ADGRG6: variants seen among roughly 807,000 people sequenced by gnomAD.
ADGRG6 encodes G-protein coupled receptor 126.
In ADGRG6, 84 loss-of-function variants were observed where a neutral mutation model predicts 142.4. The ratio of observed to expected loss-of-function variants is 0.59; its 90% CI spans 0.49 to 0.71. The LOEUF is 0.71. Among genes scored for constraint, ADGRG6 ranks in the 30% least tolerant of loss-of-function variants. The pLI is 0.00. For synonymous variants in ADGRG6, 521 were observed against 520.5 expected (o/e 1.00, Z -0.01); for missense variants, 1,367 against 1,466.6 (o/e 0.93, Z 1.11).
chr6:142,303,768 A>T (rs1475397749), intron 1 of ADGRG6, among the ~76,000 whole-genome samples: 9 of 152,340 alleles, frequency 5.9e-5, no homozygotes, highest in Admixed American at 5.2e-4. Context: ...CTTATGAGAA[A>T]AAAAGCATAT....
intron 2 of ADGRG6, among the ~76,000 whole-genome samples, chr6:142,327,549 T>C (rs939335201): frequency 3.3e-5 from 5 of 152,156 alleles, no homozygotes; most frequent in African/African-American, 1.2e-4. Flanking sequence ...ATTTCCCTCA[T>C]TGTGTAGCAC....
Position 142,408,135 on chromosome 6 carries a change from T to C in ADGRG6, c.2269-15T>C. The C allele has an allele frequency of 6.5e-7, 1 of 1,539,298 alleles. No homozygotes were observed. Among genetic ancestry groups the C allele is most frequent in the Non-Finnish European group, 8.8e-7 (1 of 1,140,904 alleles). ...TACTTCTGACTGATACACGCGATTT[T>C]TTTTTCTTTAAAAGGATGTAGGACC... On this transcript the variant is annotated splice_polypyrimidine_tract_variant and intron_variant, in intron 15 of 24. Transcript: ENST00000367609.
chr6:142,317,519 G>A (rs1359348532), intron 2 of ADGRG6, among the ~76,000 whole-genome samples: 3 of 150,452 alleles, frequency 2.0e-5, no homozygotes, highest in East Asian at 2.0e-4. Context: ...TTTAACATTT[G>A]TGAGAGCATT....
chr6:142,403,915 C>A lies in ADGRG6; in HGVS notation c.2069C>A (p.Thr690Lys). Residue 690 changes from threonine (T) to lysine (K), a missense_variant, in exon 14 of 25, where the codon ACA (threonine) becomes AAA (lysine). Transcript: ENST00000367609. ...ALSVSSLLPG[T>K]NAISNFSIGL... Reference sequence around the variant, plus strand: ...AGCGTATCATCCCTGTTACCAGGGACAAATGCAATTTCAAATTTTAGCATT... The same window carrying A: ...AGCGTATCATCCCTGTTACCAGGGAAAAATGCAATTTCAAATTTTAGCATT... 6.2e-7 allele frequency: 1 copy of A among 1,608,202 alleles called. No individual in the cohort carries two copies. Among genetic ancestry groups the A allele is most frequent in the Non-Finnish European group, 8.5e-7 (1 of 1,174,894 alleles).
At position 142,414,478 on chromosome 6, in the gene ADGRG6, A is replaced by T. The variant is rs1319956066; in HGVS notation, c.2542-491A>T. ...GGTTAGGAGCCTCCGCACCACCCTTAGAGCCTGGCAGTCACAGCACCAGCA... is the reference window on the plus strand; with the variant it reads ...GGTTAGGAGCCTCCGCACCACCCTTTGAGCCTGGCAGTCACAGCACCAGCA... On this transcript the variant is annotated intron_variant, in intron 18 of 24. Coordinates refer to ENST00000367609, the MANE Select transcript of ADGRG6 (RefSeq NM_198569.3). Among the ~76,000 whole-genome samples the T allele has an allele frequency of 3.9e-5, 6 of 152,354 alleles. No homozygotes were observed. In the East Asian group the frequency reaches 1.2e-3, roughly 29 times the overall value.
intron 2 of ADGRG6, among the ~76,000 whole-genome samples, chr6:142,318,263 T>C (rs867834190): frequency 3.4e-5 from 2 of 59,006 alleles, no homozygotes; most frequent in Admixed American, 6.0e-4. Context: ...ATATATTTAT[T>C]ATATATATTT....
chr6:142,360,943 C>A (rs1267723062), intron 2 of ADGRG6, among the ~76,000 whole-genome samples: 1 of 152,188 alleles, frequency 6.6e-6, no homozygotes, highest in Non-Finnish European at 1.5e-5. Context: ...TGAGCCACTG[C>A]GCCCAGCCTC....
At chr6:142,413,859 A>T (rs1423100873) in intron 18 of ADGRG6, among the ~76,000 whole-genome samples, 2 of 151,124 alleles carry the variant, frequency 1.3e-5, no homozygotes, top group East Asian at 3.9e-4. Flanking sequence ...CCTGTTCTTT[A>T]CTGCATCAGT....
At chr6:142,342,680 T>A (rs924559293) in intron 2 of ADGRG6, among the ~76,000 whole-genome samples, 5 of 151,998 alleles carry the variant, frequency 3.3e-5, no homozygotes, top group Admixed American at 3.3e-4. Context: ...TTTGCTAACC[T>A]TATAAGATAT....
At chr6:142,312,059 C>T (rs1007775971) in intron 2 of ADGRG6, among the ~76,000 whole-genome samples, 8 of 151,942 alleles carry the variant, frequency 5.3e-5, no homozygotes, top group African/African-American at 1.9e-4. Context: ...TAATCCTTCC[C>T]TATCCCTCAA....
At chr6:142,330,334 C>T (rs912320304) in intron 2 of ADGRG6, among the ~76,000 whole-genome samples, 8 of 151,652 alleles carry the variant, frequency 5.3e-5, no homozygotes, top group Non-Finnish European at 1.2e-4. Context: ...TACTCCTGAA[C>T]TTACAAGTTA....
chr6:142,401,888 A>G, intron 11 of ADGRG6, 106 bp from the exon 12 acceptor site: 1 of 578,854 alleles, frequency 1.7e-6, no homozygotes, highest in Non-Finnish European at 3.1e-6. Context: ...AAGCTTGTCC[A>G]TTGATCATAT....
rs199565474 is a variant in ADGRG6, at chr6:142,309,731, C to T, written c.103+87C>T. On this transcript the variant is annotated intron_variant, in intron 2 of 24. Transcript: ENST00000367609. ...CATGCTACTTATTTATGTTGCCTTA[C>T]TTTTACTTACTGCCTTTTTTTTTTT... The T allele has an allele frequency of 2.8e-4, 216 of 764,994 alleles. No individual in the cohort carries two copies. In the East Asian group the frequency reaches 4.3e-3, roughly 15 times the overall value. The allele number at this position is 764,994 out of a possible 1,614,324, so 47.4% of individuals were successfully genotyped here.
chr6:142,377,480 C>T (rs1433274247), intron 4 of ADGRG6, among the ~76,000 whole-genome samples: 1 of 152,216 alleles, frequency 6.6e-6, no homozygotes, highest in African/African-American at 2.4e-5. Flanking sequence ...ACGAAAGCAT[C>T]TGATGTAAAC....
chr6:142,414,567 A>G (rs1332491680), intron 18 of ADGRG6, among the ~76,000 whole-genome samples: 1 of 152,150 alleles, frequency 6.6e-6, no homozygotes, highest in African/African-American at 2.4e-5. Flanking sequence ...GTTTGGCCAT[A>G]TAGACTACTG....
At chr6:142,346,910 G>T (rs920150521) in intron 2 of ADGRG6, among the ~76,000 whole-genome samples, 1 of 152,036 alleles carries the variant, frequency 6.6e-6, no homozygotes, top group Non-Finnish European at 1.5e-5. Context: ...ACTATTAGGA[G>T]AAATACCTAA....
At chr6:142,397,483 C>A in intron 9 of ADGRG6, 130 bp from the exon 10 acceptor site, 1 of 667,364 alleles carries the variant, frequency 1.5e-6, no homozygotes, top group Non-Finnish European at 2.6e-6. Flanking sequence ...AGTCTGTGAG[C>A]ACCTTGGCTA....
chr6:142,390,831 T>C (rs1284240057), intron 7 of ADGRG6, among the ~76,000 whole-genome samples: 1 of 151,820 alleles, frequency 6.6e-6, no homozygotes, highest in East Asian at 1.9e-4. Flanking sequence ...CCAGATTTCT[T>C]TGTGCACATG....
intron 9 of ADGRG6, among the ~76,000 whole-genome samples, chr6:142,396,190 A>G (rs114338009): frequency 0.014 from 2,056 of 152,288 alleles, 36 homozygotes; most frequent in African/African-American, 0.04. Flanking sequence ...GTTCTCACCA[A>G]CTGGAGTGGC....
Sources: allele counts gnomAD v4.1 joint callset (sites outside exome capture counted in the v4.1 genomes callset), GRCh38; gene constraint gnomAD v4.1.1; transcripts MANE v1.5; gene names NCBI Gene and HGNC (gene_info 2026-07-23, HGNC 2026-07-21).